The following TBK1 variants were observed in gnomAD, a reference collection of about 807,000 sequenced individuals.
TBK1 encodes serine/threonine-protein kinase TBK1.
TBK1 carries 37 observed loss-of-function variants against 99.9 expected under a neutral mutation model. The observed-to-expected ratio is 0.37, with a 90% confidence interval of 0.28 to 0.49. The LOEUF is 0.49. Ranked by LOEUF, TBK1 falls within the 20% of genes least tolerant of loss-of-function variation. The pLI, the probability that TBK1 is intolerant of heterozygous loss-of-function variation, is 0.98. For synonymous variants in TBK1, 258 were observed against 279.8 expected, an observed-to-expected ratio of 0.92 and a Z score of 0.78; for missense variants, 644 against 872.5, an observed-to-expected ratio of 0.74 and a Z score of 3.30.
At chr12:64,485,897 C>T (rs926452033) in intron 10 of TBK1, 29 bp from the exon 11 acceptor site, 1 of 1,500,718 alleles carries the variant, frequency 6.7e-7, no homozygotes, top group Non-Finnish European at 9.0e-7. Flanking sequence ...CAATTAGCAC[C>T]AAATATTGAC....
chr12:64,456,063 C>G, intron 2 of TBK1, 106 bp downstream of exon 2: 7 of 815,274 alleles, frequency 8.6e-6, no homozygotes, highest in South Asian at 1.8e-5. Context: ...ATCCCTTTGT[C>G]TGAAGAAATT....
chr12:64,473,692 A>G (rs1746271409), intron 5 of TBK1, among the ~76,000 whole-genome samples: 1 of 152,116 alleles, frequency 6.6e-6, no homozygotes, highest in African/African-American at 2.4e-5. Flanking sequence ...TTGAAAGGCC[A>G]AGGCTCTTAA....
chr12:64,480,638 C>CA (rs1485960138), intron 7 of TBK1, among the ~76,000 whole-genome samples: 1 of 151,852 alleles, frequency 6.6e-6, no homozygotes, highest in Admixed American at 6.6e-5. Flanking sequence ...AGACAGAAAT[C>CA]AAAAAAATTA....
At chr12:64,482,944 A>G (rs1053259488) in intron 8 of TBK1, among the ~76,000 whole-genome samples, 7 of 152,224 alleles carry the variant, frequency 4.6e-5, no homozygotes, top group South Asian at 4.1e-4. Flanking sequence ...GGGTGTATCA[A>G]TGTTAATAGC....
chr12:64,480,074 G>C lies in TBK1; in HGVS notation c.764G>C (p.Gly255Ala). Residue 255 changes from glycine to alanine, a missense_variant, in exon 7 of 21, where the codon GGA becomes GCA. Coordinates refer to ENST00000331710, the MANE Select transcript of TBK1 (RefSeq NM_013254.4). ...AISGVQKAEN[G>A]PIDWSGDMPV... ...TCTGGAGTACAGAAAGCAGAAAATG[G>C]ACCAATTGACTGGAGTGGAGACATG... 1 of 1,612,970 alleles carries C rather than the reference G, an allele frequency of 6.2e-7. No individual in the cohort carries two copies. Among genetic ancestry groups the C allele is most frequent in the Non-Finnish European group, 8.5e-7 (1 of 1,179,418 alleles).
At chr12:64,469,925 A>G (rs1436008970) in intron 5 of TBK1, among the ~76,000 whole-genome samples, 1 of 152,150 alleles carries the variant, frequency 6.6e-6, no homozygotes, top group African/African-American at 2.4e-5. Flanking sequence ...TGCTCAGGAC[A>G]CTACTGTTCC....
intron 9 of TBK1, 46 bp from the exon 10 acceptor site, chr12:64,485,409 T>A (rs1315514235): frequency 2.9e-6 from 3 of 1,029,466 alleles, no homozygotes; most frequent in Non-Finnish European, 4.3e-6. Context: ...TAAAGTGATT[T>A]TTTCAAAAAG....
chr12:64,494,898 A>G (rs2040909812), intron 13 of TBK1, among the ~76,000 whole-genome samples: 1 of 152,248 alleles, frequency 6.6e-6, no homozygotes, highest in Non-Finnish European at 1.5e-5. Flanking sequence ...TTTAAAATAT[A>G]TGGACATATT....
chr12:64,472,783 T>G (rs902413659), intron 5 of TBK1, among the ~76,000 whole-genome samples: 1 of 152,146 alleles, frequency 6.6e-6, no homozygotes, highest in Non-Finnish European at 1.5e-5. Flanking sequence ...TGATGAGCTA[T>G]TTTAAAAAAA....
chr12:64,484,553 G>A, intron 9 of TBK1, 54 bp downstream of exon 9: 1 of 1,528,380 alleles, frequency 6.5e-7, no homozygotes, highest in Non-Finnish European at 8.8e-7. Flanking sequence ...AATACAGCCA[G>A]CCTGGGCAAC....
chr12:64,465,852 ACT>A (rs1476999534), intron 4 of TBK1, among the ~76,000 whole-genome samples: 26 of 152,270 alleles, frequency 1.7e-4, no homozygotes, highest in African/African-American at 6.0e-4. Flanking sequence ...TGGTTGTATA[ACT>A]CTGTGACCAT....
At chr12:64,490,020 C>T in intron 12 of TBK1, 21 bp from the exon 13 acceptor site, 3 of 1,544,684 alleles carry the variant, frequency 1.9e-6, no homozygotes, top group Non-Finnish European at 1.8e-6. Flanking sequence ...ATTTAATTTT[C>T]TCTTTTGACT....
rs1040353782 is a variant in TBK1 at position 64,498,384 on chromosome 12, G to A, written c.2138+345G>A. On this transcript the variant is annotated intron_variant, in intron 20 of 20. Transcript: ENST00000331710. Reference sequence around the variant, plus strand: ...AGCACTTTGGTGCTGAGTAGCTTACGGGGTCCTCTGCACACCTCCTTGCAG... The same window carrying A: ...AGCACTTTGGTGCTGAGTAGCTTACAGGGTCCTCTGCACACCTCCTTGCAG... Among the ~76,000 whole-genome samples the A allele has an allele frequency of 7.2e-5, 11 of 152,092 alleles. No homozygotes were observed. In the South Asian group the frequency reaches 1.5e-3, roughly 20 times the overall value.
intron 4 of TBK1, 38 bp from the exon 5 acceptor site, chr12:64,466,863 A>G: frequency 6.8e-7 from 1 of 1,479,702 alleles, no homozygotes; most frequent in Non-Finnish European, 9.1e-7. Flanking sequence ...ACACGTAAAT[A>G]TCTACATTAT....
intron 11 of TBK1, among the ~76,000 whole-genome samples, chr12:64,486,602 T>A (rs2040823139): frequency 7.2e-6 from 1 of 139,290 alleles, no homozygotes; most frequent in Non-Finnish European, 1.6e-5. Context: ...ACCCAGCTAA[T>A]TTTTTTTTTT....
At chr12:64,468,493 A>T (rs936172974) in intron 5 of TBK1, among the ~76,000 whole-genome samples, 1 of 143,908 alleles carries the variant, frequency 6.9e-6, no homozygotes, top group African/African-American at 2.5e-5. Flanking sequence ...TCCGTCTCAG[A>T]AAAAAAAAAA....
At chr12:64,463,762 A>G (rs1032622452) in intron 3 of TBK1, among the ~76,000 whole-genome samples, 1 of 152,020 alleles carries the variant, frequency 6.6e-6, no homozygotes, top group African/African-American at 2.4e-5. Flanking sequence ...CATTGTACCA[A>G]TGATTTTGTA....
intron 13 of TBK1, among the ~76,000 whole-genome samples, chr12:64,493,699 G>A (rs1592374935): frequency 6.6e-6 from 1 of 152,224 alleles, no homozygotes; most frequent in East Asian, 1.9e-4. Context: ...TATTAGAAAT[G>A]CACATTTTGG....
intron 13 of TBK1, among the ~76,000 whole-genome samples, chr12:64,491,394 A>G (rs1465156249): frequency 1.3e-5 from 2 of 152,160 alleles, no homozygotes; most frequent in Non-Finnish European, 2.9e-5. Flanking sequence ...GCTGAGTCGG[A>G]TGGATCACTT....
Sources: gnomAD v4.1 joint callset for allele counts (sites outside exome capture counted in the v4.1 genomes callset) on GRCh38, gnomAD v4.1.1 for gene constraint, MANE v1.5 for transcripts, NCBI Gene and HGNC (gene_info 2026-07-23, HGNC 2026-07-21) for gene names.